ROBO1: variants seen among roughly 807,000 people sequenced by gnomAD.
The protein encoded by ROBO1 is roundabout guidance receptor 1, also known as roundabout homolog 1.
ROBO1 carries 149 observed loss-of-function variants against 195.9 expected under a neutral mutation model. The observed-to-expected ratio is 0.76, with a 90% confidence interval of 0.67 to 0.87. The LOEUF is 0.87. Among genes scored for constraint, ROBO1 ranks in the 40% least tolerant of loss-of-function variants. The pLI is 0.00. For missense variants in ROBO1, 1,933 were observed against 2,068.3 expected (o/e 0.93, Z 1.27); for synonymous variants, 816 against 733.2 (o/e 1.11, Z -1.82).
At chr3:79,370,201 GA>G (rs536594834) in intron 2 of ROBO1, among the ~76,000 whole-genome samples, 6,455 of 141,264 alleles carry the variant, frequency 0.046, 353 homozygotes, top group African/African-American at 0.13. Flanking sequence ...TTAAAAATTG[GA>G]AAAAAAAAAA....
At chr3:78,832,495 C>T (rs1369166070) in intron 4 of ROBO1, among the ~76,000 whole-genome samples, 5 of 152,124 alleles carry the variant, frequency 3.3e-5, no homozygotes, top group Non-Finnish European at 7.3e-5. Flanking sequence ...CTCTCACTAA[C>T]AAACAGTGAT....
intron 2 of ROBO1, among the ~76,000 whole-genome samples, chr3:79,372,212 T>G (rs1313522678): frequency 1.3e-5 from 2 of 150,912 alleles, no homozygotes; most frequent in Non-Finnish European, 3.0e-5. Context: ...TCTTTTTTTT[T>G]TTTTTCTTTT....
chr3:79,289,092 A>AT (rs5850419), intron 2 of ROBO1, among the ~76,000 whole-genome samples: 16,135 of 147,558 alleles, frequency 0.11, 1,741 homozygotes, highest in African/African-American at 0.28. Context: ...AGGTGAAATC[A>AT]TTTTTTTTTT....
At chr3:78,746,979 TATTATA>T (rs1310521761) in intron 4 of ROBO1, 79 bp from the exon 5 acceptor site, 1 of 943,180 alleles carries the variant, frequency 1.1e-6, no homozygotes, top group Non-Finnish European at 1.4e-6. Context: ...AGGAGACATT[TATTATA>T]ATTATAATAA....
chr3:78,636,935 T>TTATATATATATATATATATATATATATA (rs55894934), intron 22 of ROBO1, among the ~76,000 whole-genome samples: 1 of 96,704 alleles, frequency 1.0e-5, no homozygotes, highest in Non-Finnish European at 2.1e-5. Flanking sequence ...TACATTCATT[T>TTATATATATATATATATATATATATATA]TATATATATA....
chr3:78,949,235 G>A (rs1263859702), intron 3 of ROBO1, among the ~76,000 whole-genome samples: 1 of 126,968 alleles, frequency 7.9e-6, no homozygotes, highest in Admixed American at 8.4e-5. Context: ...AAAGCTGGAG[G>A]CATCACACTA....
intron 14 of ROBO1, among the ~76,000 whole-genome samples, chr3:78,666,103 C>T (rs1342549163): frequency 6.6e-6 from 1 of 152,100 alleles, no homozygotes; most frequent in African/African-American, 2.4e-5. Context: ...CTCACTTTTG[C>T]TCGGCACCTC....
intron 10 of ROBO1, among the ~76,000 whole-genome samples, chr3:78,678,599 C>T (rs555428602): frequency 4.1e-4 from 62 of 152,232 alleles, no homozygotes; most frequent in African/African-American, 1.4e-3. Flanking sequence ...TTCCTCGACA[C>T]ATACACTCTC....
chr3:79,228,541 G>T (rs2082266084), intron 2 of ROBO1, among the ~76,000 whole-genome samples: 1 of 152,098 alleles, frequency 6.6e-6, no homozygotes, highest in Non-Finnish European at 1.5e-5. Context: ...ATTTCCATTT[G>T]TCAGGGAGAT....
At chr3:78,795,544 C>T (rs748767506) in intron 4 of ROBO1, among the ~76,000 whole-genome samples, 2 of 152,222 alleles carry the variant, frequency 1.3e-5, no homozygotes, top group Admixed American at 6.5e-5. Flanking sequence ...ATGCCAAGGT[C>T]GCTTCCTTCA....
chr3:79,260,291 G>T (rs2082916083), intron 2 of ROBO1, among the ~76,000 whole-genome samples: 1 of 151,832 alleles, frequency 6.6e-6, no homozygotes, highest in Non-Finnish European at 1.5e-5. Flanking sequence ...GAAATATTCT[G>T]CTGGGTGTTT....
At chr3:78,956,921 A>G (rs1292173986) in intron 3 of ROBO1, among the ~76,000 whole-genome samples, 1 of 152,220 alleles carries the variant, frequency 6.6e-6, no homozygotes, top group Non-Finnish European at 1.5e-5. Flanking sequence ...ACAAGAATTA[A>G]CAGAGGTGAA....
At chr3:78,800,857 C>A (rs2084348833) in intron 4 of ROBO1, among the ~76,000 whole-genome samples, 1 of 152,106 alleles carries the variant, frequency 6.6e-6, no homozygotes, top group Non-Finnish European at 1.5e-5. Context: ...AGCCACCACA[C>A]CTGGCCTAAA....
rs866390820 is a variant in ROBO1 at position 79,756,560 on chromosome 3, A to G, written c.-51+11192T>C. ...AGCGAAGCACCATCTCAAAAAAAAA[A>G]AAAAAAAAAAAAAGTAGAGATATTT... On this transcript the variant is annotated intron_variant, in intron 1 of 30. Coordinates refer to ENST00000464233, the MANE Select transcript of ROBO1 (RefSeq NM_002941.4). Among the ~76,000 whole-genome samples, 284 of 151,396 alleles carry G rather than the reference A, an allele frequency of 1.9e-3. 3 individuals carry two copies. The highest frequency in any genetic ancestry group is 4.6e-3 in the African/African-American group (192 of 41,364).
rs745481519 is a variant in ROBO1 at position 79,492,425 on chromosome 3, C to CAAA, written c.88+97398_88+97399insTTT. 1.7e-3 allele frequency among the ~76,000 whole-genome samples: 147 copies of CAAA among 85,138 alleles called. 6 individuals carry two copies. The highest frequency in any genetic ancestry group is 2.0e-3 in the Non-Finnish European group (97 of 47,720). The allele number at this position is 85,138 out of a possible 152,430, so 55.9% of individuals were successfully genotyped here. A position where few individuals can be genotyped will look rare whatever the true frequency, so the allele number is the denominator to read the frequency against. On this transcript the variant is annotated intron_variant, in intron 2 of 30. Coordinates refer to ENST00000464233, the MANE Select transcript of ROBO1 (RefSeq NM_002941.4). ...GGGCAATAAGAGTGAGACTCTGTTT[C>CAAA]AGAAAAAAAAAAAAAAAAAAAGAGA...
In ROBO1 at chr3:78,688,746, G is replaced by C. The variant is rs748988548; in HGVS notation, c.1072C>G (p.Arg358Gly). 4 of 1,609,070 alleles carry C rather than the reference G, an allele frequency of 2.5e-6. No individual in the cohort carries two copies. In the Admixed American group the frequency reaches 6.7e-5, roughly 27 times the overall value. Residue 358 changes from arginine (R) to glycine (G), a missense_variant, in exon 9 of 31, where the codon CGT becomes GGT. Transcript: ENST00000464233. The part of the protein sequence containing the change: ...QEPPHFVVKP[R>G]DQVVALGRTV... The stretch of plus-strand genomic sequence containing the variant: ...CGTCCCAAAGCAACAACCTGGTCAC[G>C]GGGTTTCACAACAAAATGTGGAGGT...
At chr3:78,848,468 A>G (rs62257510) in intron 4 of ROBO1, among the ~76,000 whole-genome samples, 28,139 of 152,108 alleles carry the variant, frequency 0.18, 3,493 homozygotes, top group East Asian at 0.51. Context: ...AGCACAGTAA[A>G]GGGGTAAGAA....
intron 25 of ROBO1, among the ~76,000 whole-genome samples, chr3:78,628,641 T>C (rs1219010176): frequency 4.6e-5 from 7 of 152,232 alleles, no homozygotes; most frequent in African/African-American, 1.2e-4. Context: ...TCAGGAAAGT[T>C]GATGCTCAAA....
chr3:79,226,547 T>C (rs559803019), intron 2 of ROBO1, among the ~76,000 whole-genome samples: 8 of 151,598 alleles, frequency 5.3e-5, no homozygotes, highest in South Asian at 2.1e-4. Flanking sequence ...TTCTTTCTTT[T>C]TTTTTTTTTT....
Sources: gnomAD v4.1 joint callset for allele counts (sites outside exome capture counted in the v4.1 genomes callset) on GRCh38, gnomAD v4.1.1 for gene constraint, MANE v1.5 for transcripts, NCBI Gene and HGNC (gene_info 2026-07-23, HGNC 2026-07-21) for gene names.